Variants in PTPRD observed in about 807,000 individuals in gnomAD.
PTPRD encodes the protein receptor-type tyrosine-protein phosphatase delta.
In PTPRD, 34 loss-of-function variants were observed where a neutral mutation model predicts 214.5. The ratio of observed to expected loss-of-function variants is 0.16; its 90% CI spans 0.12 to 0.21. PTPRD has a LOEUF of 0.21. Among genes scored for constraint, PTPRD ranks in the 10% least tolerant of loss-of-function variants. The probability of loss-of-function intolerance (pLI) is 1.00; values close to 1 mark genes in which losing one functional copy is unlikely to be tolerated. For missense variants in PTPRD, 2,545 were observed against 2,398.7 expected, an observed-to-expected ratio of 1.06 and a Z score of -1.27; for synonymous variants, 1,128 against 845.7, an observed-to-expected ratio of 1.33 and a Z score of -5.79.
At chr9:10,448,313 A>G (rs1486631496) in intron 2 of PTPRD, among the ~76,000 whole-genome samples, 1 of 152,024 alleles carries the variant, frequency 6.6e-6, no homozygotes, top group Non-Finnish European at 1.5e-5. Context: ...AGAGGGCAAC[A>G]AAGAGGTCTA....
At chr9:9,074,639 C>G (rs913054094) in intron 10 of PTPRD, among the ~76,000 whole-genome samples, 2 of 151,840 alleles carry the variant, frequency 1.3e-5, no homozygotes, top group Non-Finnish European at 2.9e-5. Flanking sequence ...TTTCATGTGC[C>G]TGTTTGCCAT....
At chr9:8,621,675 A>G (rs1172372985) in intron 14 of PTPRD, among the ~76,000 whole-genome samples, 1 of 151,722 alleles carries the variant, frequency 6.6e-6, no homozygotes, top group East Asian at 1.9e-4. Context: ...AACTTTATTA[A>G]CGCATCTTTG....
intron 3 of PTPRD, among the ~76,000 whole-genome samples, chr9:10,229,885 A>C (rs567063292): frequency 2.0e-4 from 30 of 152,166 alleles, no homozygotes; most frequent in African/African-American, 7.0e-4. Flanking sequence ...ACAAGAAAAA[A>C]AGAAATAAGA....
At chr9:9,379,641 G>A (rs191265993) in intron 9 of PTPRD, among the ~76,000 whole-genome samples, 3 of 152,084 alleles carry the variant, frequency 2.0e-5, no homozygotes, top group Non-Finnish European at 2.9e-5. Context: ...CTGACATCTT[G>A]ATATTATATC....
At chr9:8,532,722 C>G (rs545297704) in intron 14 of PTPRD, among the ~76,000 whole-genome samples, 1 of 152,078 alleles carries the variant, frequency 6.6e-6, no homozygotes, top group African/African-American at 2.4e-5. Flanking sequence ...GCCATTTGTT[C>G]TGTCATTTTG....
intron 3 of PTPRD, among the ~76,000 whole-genome samples, chr9:10,194,522 T>C (rs1486582248): frequency 1.3e-5 from 2 of 151,970 alleles, no homozygotes; most frequent in African/African-American, 4.8e-5. Context: ...TGCAAGATCA[T>C]ACAACCGTTA....
intron 12 of PTPRD, among the ~76,000 whole-genome samples, chr9:8,691,080 T>A (rs1400590551): frequency 6.6e-6 from 1 of 152,026 alleles, no homozygotes; most frequent in Non-Finnish European, 1.5e-5. Flanking sequence ...AAACTAAGAA[T>A]GAGAAGAAAG....
Position 9,209,050 on chromosome 9 carries a change from G to T in PTPRD, c.-202-25687C>A, listed in dbSNP as rs7031597. ...GTCTCGATCTCCTGACCTCGTGATCGGCCCGCCTTGGCCTCCCAAAGTGCT... is the reference window on the plus strand; with the variant it reads ...GTCTCGATCTCCTGACCTCGTGATCTGCCCGCCTTGGCCTCCCAAAGTGCT... On this transcript the variant is annotated intron_variant, in intron 9 of 45. Transcript: ENST00000381196. Among the ~76,000 whole-genome samples the T allele has an allele frequency of 4.0e-5, 6 of 151,850 alleles. No individual in the cohort carries two copies. The East Asian group carries it at 9.8e-4, about 25-fold the overall frequency.
At chr9:9,352,215 C>G in intron 9 of PTPRD, among the ~76,000 whole-genome samples, 1 of 151,404 alleles carries the variant, frequency 6.6e-6, no homozygotes, top group East Asian at 2.0e-4. Flanking sequence ...TATAGTACAT[C>G]GTAGCATAAC....
chr9:8,956,334 A>G lies in PTPRD; in HGVS notation c.-104+62363T>C, dbSNP rs116013140. On this transcript the variant is annotated intron_variant, in intron 11 of 45. Coordinates refer to ENST00000381196, the MANE Select transcript of PTPRD (RefSeq NM_002839.4). ...GAAAGAAAAAAGAAAAATAAAAACC[A>G]TCCACTTTGGACTAATACTTAACAT... Among the ~76,000 whole-genome samples, 1,331 of 152,064 alleles carry G rather than the reference A, an allele frequency of 8.8e-3. 19 individuals carry two copies. Among genetic ancestry groups the G allele is most frequent in the African/African-American group, 0.031 (1,285 of 41,534 alleles).
chr9:9,959,064 G>A (rs1445244736), intron 4 of PTPRD, among the ~76,000 whole-genome samples: 1 of 152,118 alleles, frequency 6.6e-6, no homozygotes, highest in Non-Finnish European at 1.5e-5. Flanking sequence ...GTTTACAGCA[G>A]CTTTATTCAT....
intron 9 of PTPRD, among the ~76,000 whole-genome samples, chr9:9,354,498 T>C (rs2052876663): frequency 1.3e-5 from 2 of 149,374 alleles, no homozygotes; most frequent in South Asian, 2.1e-4. Flanking sequence ...TCAATAACTT[T>C]TCAAATGAAT....
At chr9:8,688,624 A>T (rs1340672853) in intron 12 of PTPRD, among the ~76,000 whole-genome samples, 1 of 151,582 alleles carries the variant, frequency 6.6e-6, no homozygotes, top group Admixed American at 6.6e-5. Flanking sequence ...AATAAGTTAT[A>T]AAAAAAGAAA....
At chr9:9,895,282 T>C (rs1468774805) in intron 5 of PTPRD, among the ~76,000 whole-genome samples, 1 of 149,172 alleles carries the variant, frequency 6.7e-6, no homozygotes, top group Non-Finnish European at 1.5e-5. Context: ...AAATAAAATA[T>C]AAAATACACC....
At chr9:10,238,316 C>G (rs1271379596) in intron 3 of PTPRD, among the ~76,000 whole-genome samples, 1 of 151,858 alleles carries the variant, frequency 6.6e-6, no homozygotes, top group Non-Finnish European at 1.5e-5. Flanking sequence ...TACTAGGACT[C>G]TAAGACTAGT....
At chr9:9,275,403 C>T (rs1945211980) in intron 9 of PTPRD, among the ~76,000 whole-genome samples, 1 of 149,858 alleles carries the variant, frequency 6.7e-6, no homozygotes. Flanking sequence ...GGCTCAGAGT[C>T]ACCTGCATTC....
At chr9:9,211,707 A>C (rs985829726) in intron 9 of PTPRD, among the ~76,000 whole-genome samples, 9 of 152,224 alleles carry the variant, frequency 5.9e-5, no homozygotes, top group African/African-American at 2.2e-4. Flanking sequence ...AACAATAACC[A>C]TCAAATTTTT....
At chr9:8,759,409 T>C (rs182853975) in intron 11 of PTPRD, among the ~76,000 whole-genome samples, 7 of 152,202 alleles carry the variant, frequency 4.6e-5, no homozygotes, top group East Asian at 3.9e-4. Flanking sequence ...GCAACTAATA[T>C]TTTAAAGCTT....
At chr9:9,941,208 C>A (rs942206099) in intron 4 of PTPRD, among the ~76,000 whole-genome samples, 9 of 152,118 alleles carry the variant, frequency 5.9e-5, no homozygotes, top group African/African-American at 2.2e-4. Context: ...TTAGATCATG[C>A]CTGGCTTCCT....
Sources: gnomAD v4.1 joint callset for allele counts (sites outside exome capture counted in the v4.1 genomes callset) on GRCh38, gnomAD v4.1.1 for gene constraint, MANE v1.5 for transcripts, NCBI Gene and HGNC (gene_info 2026-07-23, HGNC 2026-07-21) for gene names.